The following GPR39 variants were observed in gnomAD, a reference collection of about 807,000 sequenced individuals.
GPR39 encodes the protein G protein-coupled receptor 39.
Under a neutral mutation model 18.4 loss-of-function variants are expected in GPR39, and 23 were observed. That is an observed-to-expected ratio of 1.25 (90% CI 0.90 to 1.77). GPR39 has a LOEUF of 1.77. GPR39 is among the 40% of genes most tolerant of loss of function. The pLI is 0.00. For missense variants in GPR39, 647 were observed against 602.4 expected, an observed-to-expected ratio of 1.07 and a Z score of -0.78; for synonymous variants, 280 against 257.9, an observed-to-expected ratio of 1.09 and a Z score of -0.82.
intron 1 of GPR39, among the ~76,000 whole-genome samples, chr2:132,546,854 AAAAAAAAAAAAG>A (rs999730605): frequency 6.7e-6 from 1 of 150,292 alleles, no homozygotes; most frequent in African/African-American, 2.5e-5. Flanking sequence ...AAAAAAAAAA[AAAAAAAAAAAAG>A]AGGCATCATA....
At chr2:132,540,995 C>T (rs1289594808) in intron 1 of GPR39, among the ~76,000 whole-genome samples, 1 of 152,076 alleles carries the variant, frequency 6.6e-6, no homozygotes, top group African/African-American at 2.4e-5. Flanking sequence ...GGCCCTCTTG[C>T]CCCATTGACC....
At chr2:132,453,346 ATTTG>A (rs1172482297) in intron 1 of GPR39, among the ~76,000 whole-genome samples, 1 of 152,040 alleles carries the variant, frequency 6.6e-6, no homozygotes, top group African/African-American at 2.4e-5. Flanking sequence ...TTACTTGTAA[ATTTG>A]TTTGAGTTTT....
chr2:132,646,214 G>T lies in GPR39; in HGVS notation c.*608G>T. The T allele has an allele frequency of 6.2e-7, 1 of 1,604,676 alleles. No homozygotes were observed. The highest frequency in any genetic ancestry group is 2.2e-5 in the East Asian group (1 of 44,500). ...GTTCAGTTTCCCTGGGGAGCAGAAG[G>T]ACTGGTACCCGGCAGAGGCGATGAG... On this transcript the variant is annotated 3_prime_UTR_variant, in exon 2 of 2. Transcript: ENST00000329321.
chr2:132,556,926 G>A (rs1680162310), intron 1 of GPR39, among the ~76,000 whole-genome samples: 1 of 152,190 alleles, frequency 6.6e-6, no homozygotes, highest in Non-Finnish European at 1.5e-5. Flanking sequence ...TGCCCAGTGA[G>A]GGTATAATGT....
chr2:132,523,202 A>C (rs1573645013), intron 1 of GPR39, among the ~76,000 whole-genome samples: 2 of 152,252 alleles, frequency 1.3e-5, no homozygotes, highest in Non-Finnish European at 2.9e-5. Context: ...TTAGGTATTC[A>C]CCTGTTAAAC....
At chr2:132,615,256 A>T (rs1012056778) in intron 1 of GPR39, among the ~76,000 whole-genome samples, 5 of 152,184 alleles carry the variant, frequency 3.3e-5, no homozygotes, top group African/African-American at 1.2e-4. Context: ...CCTGCATGGC[A>T]CACTTTTGAA....
At chr2:132,464,878 T>C (rs1277564260) in intron 1 of GPR39, among the ~76,000 whole-genome samples, 2 of 152,182 alleles carry the variant, frequency 1.3e-5, no homozygotes, top group East Asian at 3.9e-4. Flanking sequence ...TTGTCTTCTA[T>C]GAAGATGGGA....
chr2:132,492,193 T>C (rs1016245690), intron 1 of GPR39, among the ~76,000 whole-genome samples: 1 of 143,700 alleles, frequency 7.0e-6, no homozygotes, highest in Non-Finnish European at 1.5e-5. Context: ...TATATATACA[T>C]ACCATATATA....
At chr2:132,618,461 G>A (rs1467637094) in intron 1 of GPR39, among the ~76,000 whole-genome samples, 6 of 152,222 alleles carry the variant, frequency 3.9e-5, no homozygotes, top group Non-Finnish European at 7.3e-5. Flanking sequence ...TGCAGGAAAT[G>A]AGGGCTTTCT....
intron 1 of GPR39, among the ~76,000 whole-genome samples, chr2:132,567,033 T>C (rs1680360670): frequency 6.6e-6 from 1 of 152,184 alleles, no homozygotes; most frequent in Non-Finnish European, 1.5e-5. Flanking sequence ...AGTAACAGTA[T>C]TAAGAAGTGG....
chr2:132,461,182 C>G (rs751085131), intron 1 of GPR39, among the ~76,000 whole-genome samples: 1 of 152,082 alleles, frequency 6.6e-6, no homozygotes, highest in African/African-American at 2.4e-5. Context: ...AAATGGGATG[C>G]TAATAAATGA....
chr2:132,619,858 G>GAC (rs1464159611), intron 1 of GPR39, among the ~76,000 whole-genome samples: 1 of 92,274 alleles, frequency 1.1e-5, no homozygotes, highest in Non-Finnish European at 2.1e-5. Flanking sequence ...CACACACACA[G>GAC]ACACACACAC....
intron 1 of GPR39, among the ~76,000 whole-genome samples, chr2:132,639,910 A>G (rs1042275219): frequency 1.3e-5 from 2 of 151,870 alleles, no homozygotes; most frequent in South Asian, 4.2e-4. Flanking sequence ...CTGGAAAAAA[A>G]CCCTAAAATT....
At chr2:132,440,217 A>G (rs889013237) in intron 1 of GPR39, among the ~76,000 whole-genome samples, 3 of 152,184 alleles carry the variant, frequency 2.0e-5, no homozygotes, top group Non-Finnish European at 4.4e-5. Context: ...TACTGATAGA[A>G]ATGTTGAACA....
chr2:132,643,120 C>T (rs187229605), intron 1 of GPR39, among the ~76,000 whole-genome samples: 103 of 151,352 alleles, frequency 6.8e-4, no homozygotes, highest in African/African-American at 2.0e-3. Flanking sequence ...TTTGTTGTTG[C>T]TGTTGTTGTT....
At chr2:132,531,799 A>AAC (rs1189394786) in intron 1 of GPR39, among the ~76,000 whole-genome samples, 22 of 152,266 alleles carry the variant, frequency 1.4e-4, no homozygotes, top group Admixed American at 3.9e-4. Flanking sequence ...CTTTGAAACC[A>AAC]ATGAGAACAA....
intron 1 of GPR39, among the ~76,000 whole-genome samples, chr2:132,575,203 A>T (rs1356603036): frequency 6.6e-6 from 1 of 152,218 alleles, no homozygotes; most frequent in Non-Finnish European, 1.5e-5. Flanking sequence ...TATGACATAT[A>T]AAAAAGTTAA....
chr2:132,547,291 G>A (rs903355326), intron 1 of GPR39, among the ~76,000 whole-genome samples: 12 of 152,154 alleles, frequency 7.9e-5, no homozygotes, highest in African/African-American at 2.7e-4. Context: ...CATCCAGCAG[G>A]GGGCAGCAAT....
Position 132,417,602 on chromosome 2 carries a change from G to A in GPR39, c.560G>A (p.Arg187Gln), listed in dbSNP as rs1007636598. ...EYPLVNVPSH[R>Q]GLTCNRSSTR... ...CCCCTGGTGAACGTGCCCAGCCACCGGGGTCTCACTTGCAACCGCTCCAGC... is the reference window on the plus strand; with the variant it reads ...CCCCTGGTGAACGTGCCCAGCCACCAGGGTCTCACTTGCAACCGCTCCAGC... The change falls in exon 1 of 2, where the codon CGG becomes CAG. Residue 187 changes from arginine to glutamine, a missense_variant. Physicochemically the swap from Arg to Gln is conservative, Grantham distance 43. Transcript: ENST00000329321. The A allele has an allele frequency of 3.7e-6, 6 of 1,614,052 alleles. No individual in the cohort carries two copies. The highest frequency in any genetic ancestry group is 5.1e-6 in the Non-Finnish European group (6 of 1,180,008).
Sources: gnomAD v4.1 joint callset for allele counts (sites outside exome capture counted in the v4.1 genomes callset) on GRCh38, gnomAD v4.1.1 for gene constraint, MANE v1.5 for transcripts, NCBI Gene and HGNC (gene_info 2026-07-23, HGNC 2026-07-21) for gene names.